The following KHDRBS2 variants were observed in gnomAD, a reference collection of about 807,000 sequenced individuals.
KHDRBS2 encodes KH domain-containing, RNA-binding, signal transduction-associated protein 2.
KHDRBS2 carries 26 observed loss-of-function variants against 44.3 expected under a neutral mutation model. The ratio of observed to expected loss-of-function variants is 0.59; its 90% confidence interval spans 0.43 to 0.81. The LOEUF (loss-of-function observed/expected upper bound fraction) is 0.81. Ranked by LOEUF, KHDRBS2 falls within the 40% of genes least tolerant of loss-of-function variation. The pLI is 0.00. For synonymous variants in KHDRBS2, 194 were observed against 151.1 expected (o/e 1.28, Z -2.08); for missense variants, 476 against 433.1 (o/e 1.10, Z -0.88).
the KHDRBS2 span, among the ~76,000 whole-genome samples, chr6:61,612,904 G>C: frequency 7.3e-6 from 1 of 136,220 alleles, no homozygotes; most frequent in Non-Finnish European, 1.5e-5. Context: ...CCAGGCTGGA[G>C]TGCAGTGGCG....
At chr6:61,674,669 T>C in the KHDRBS2 span, among the ~76,000 whole-genome samples, 4 of 151,836 alleles carry the variant, frequency 2.6e-5, no homozygotes, top group South Asian at 6.2e-4. Context: ...TACTATACAA[T>C]TCAGTATTTT....
chr6:61,755,291 A>C (rs960819992), intron 6 of KHDRBS2, among the ~76,000 whole-genome samples: 2 of 152,106 alleles, frequency 1.3e-5, no homozygotes, highest in Non-Finnish European at 2.9e-5. Context: ...TTAGCTACTG[A>C]GCATTGGTAA....
intron 3 of KHDRBS2, among the ~76,000 whole-genome samples, chr6:62,025,004 G>A (rs1477455276): frequency 6.6e-6 from 1 of 151,468 alleles, no homozygotes; most frequent in Non-Finnish European, 1.5e-5. Flanking sequence ...AAACTGAAGA[G>A]TAAAATTAAA....
At chr6:61,816,641 T>G (rs995860923) in intron 6 of KHDRBS2, 7 of 450,778 alleles carry the variant, frequency 1.6e-5, no homozygotes, top group Non-Finnish European at 3.1e-5. Flanking sequence ...ATCACAATGC[T>G]ATGAAACAAA....
intron 2 of KHDRBS2, among the ~76,000 whole-genome samples, chr6:62,077,804 G>T (rs116483701): frequency 2.2e-4 from 33 of 152,038 alleles, no homozygotes; most frequent in African/African-American, 6.7e-4. Context: ...TTAAACTGAA[G>T]GAAAGAATTA....
At chr6:61,792,762 T>A (rs1316588757) in intron 6 of KHDRBS2, among the ~76,000 whole-genome samples, 1 of 151,958 alleles carries the variant, frequency 6.6e-6, no homozygotes, top group Admixed American at 6.6e-5. Flanking sequence ...TAATATAGTA[T>A]ATTTTGAATG....
intron 1 of KHDRBS2, among the ~76,000 whole-genome samples, chr6:62,219,891 C>G (rs1830604961): frequency 6.8e-6 from 1 of 146,606 alleles, no homozygotes; most frequent in African/African-American, 2.5e-5. Flanking sequence ...ACTGTATATA[C>G]AATCATTTTA....
chr6:61,607,598 C>CAAAAT, the KHDRBS2 span, among the ~76,000 whole-genome samples: 1 of 94,528 alleles, frequency 1.1e-5, no homozygotes, highest in Non-Finnish European at 2.2e-5. Flanking sequence ...AAAATCTAGA[C>CAAAAT]AAAATGGATG....
the KHDRBS2 span, among the ~76,000 whole-genome samples, chr6:61,650,409 G>GTTT: frequency 3.6e-3 from 535 of 148,820 alleles, 1 homozygote; most frequent in Middle Eastern, 7.0e-3. Flanking sequence ...TTAAAAAAAT[G>GTTT]TTTTTTTTTT....
intron 4 of KHDRBS2, among the ~76,000 whole-genome samples, chr6:61,935,505 G>T (rs1288478360): frequency 1.3e-5 from 2 of 152,132 alleles, no homozygotes; most frequent in Non-Finnish European, 2.9e-5. Context: ...GTCAGAACAT[G>T]CATGAATGCT....
At chr6:62,112,384 C>G (rs1386986368) in intron 2 of KHDRBS2, among the ~76,000 whole-genome samples, 3 of 152,118 alleles carry the variant, frequency 2.0e-5, no homozygotes, top group African/African-American at 7.2e-5. Context: ...ACCCTTGTGG[C>G]TTGAGCCATC....
chr6:61,678,097 G>A (rs1451305878), downstream of KHDRBS2, among the ~76,000 whole-genome samples: 2 of 148,360 alleles, frequency 1.3e-5, no homozygotes, highest in Non-Finnish European at 3.0e-5. Context: ...AGACCAAGTC[G>A]ATCATTAAAG....
At chr6:61,952,824 A>T (rs192999807) in intron 4 of KHDRBS2, among the ~76,000 whole-genome samples, 12 of 152,186 alleles carry the variant, frequency 7.9e-5, no homozygotes, top group Admixed American at 5.9e-4. Context: ...CGGGTAAAAC[A>T]GTTTAGTATT....
intron 6 of KHDRBS2, among the ~76,000 whole-genome samples, chr6:61,886,206 A>G (rs1483940164): frequency 6.6e-6 from 1 of 152,124 alleles, no homozygotes; most frequent in African/African-American, 2.4e-5. Flanking sequence ...ATTATAAGTG[A>G]AGTTACAACC....
At position 61,909,056 on chromosome 6, in the gene KHDRBS2, C is replaced by T. The variant is rs185238092; in HGVS notation, c.484-7685G>A. ...TCTACTGGGGCTTAAATAGCACATG[C>T]GTATCATATATAGATTTTTTTTTTT... is the stretch of plus-strand genomic sequence containing the variant. On this transcript the variant is annotated intron_variant, in intron 4 of 8. Coordinates refer to ENST00000281156, the MANE Select transcript of KHDRBS2 (RefSeq NM_152688.4). 6.4e-4 allele frequency among the ~76,000 whole-genome samples: 97 copies of T among 151,472 alleles called. 1 individual carries two copies. The highest frequency in any genetic ancestry group is 1.0e-3 in the Non-Finnish European group (71 of 67,866).
intron 6 of KHDRBS2, among the ~76,000 whole-genome samples, chr6:61,761,522 G>C (rs1484715628): frequency 6.6e-6 from 1 of 152,120 alleles, no homozygotes. Flanking sequence ...TGGAATTGCA[G>C]ATCATTGCAT....
At chr6:62,106,843 A>G (rs1584742048) in intron 2 of KHDRBS2, among the ~76,000 whole-genome samples, 1 of 152,224 alleles carries the variant, frequency 6.6e-6, no homozygotes, top group East Asian at 1.9e-4. Context: ...GACAAAAACC[A>G]CATGATTATC....
rs1780365701 is a variant in KHDRBS2 at position 62,011,901 on chromosome 6, CTG to C, written c.337-33691_337-33690del. Among the ~76,000 whole-genome samples the C allele has an allele frequency of 2.0e-5, 3 of 152,246 alleles. No individual in the cohort carries two copies. The South Asian group carries it at 6.2e-4, about 32-fold the overall frequency. ...AACAAACAGGTTAAAGGTGTTAAAA[CTG>C]TTTTTTAAGAGTAGCACAGATTTTA... On this transcript the variant is annotated intron_variant, in intron 3 of 8. Transcript: ENST00000281156.
At chr6:61,803,831 G>A (rs763030184) in intron 6 of KHDRBS2, among the ~76,000 whole-genome samples, 2 of 151,968 alleles carry the variant, frequency 1.3e-5, no homozygotes, top group East Asian at 1.9e-4. Context: ...GATCTTGTGC[G>A]AACTCACTCA....
Sources: allele counts gnomAD v4.1 joint callset (sites outside exome capture counted in the v4.1 genomes callset), GRCh38; gene constraint gnomAD v4.1.1; transcripts MANE v1.5; gene names NCBI Gene and HGNC (gene_info 2026-07-23, HGNC 2026-07-21).